Variants in STAB2 observed in about 807,000 individuals in gnomAD.
The protein encoded by STAB2 is stabilin 2.
In STAB2, 288 loss-of-function variants were observed where a neutral mutation model predicts 338.1. The ratio of observed to expected loss-of-function variants is 0.85; its 90% CI spans 0.77 to 0.94. The LOEUF is 0.94. Among genes scored for constraint, STAB2 ranks in the 40% least tolerant of loss-of-function variants. STAB2 has a pLI of 0.00. For synonymous variants in STAB2, 1,202 were observed against 1,193.3 expected (o/e 1.01, Z -0.15); for missense variants, 3,141 against 3,210.1 (o/e 0.98, Z 0.52).
chr12:103,745,032 A>C, intron 56 of STAB2, 141 bp from the exon 57 acceptor site: 2 of 664,222 alleles, frequency 3.0e-6, no homozygotes, highest in Non-Finnish European at 4.9e-6. Context: ...TATTTTTTAG[A>C]TGTTTCAATG....
intron 39 of STAB2, chr12:103,711,170 A>G (rs896214077): frequency 2.0e-5 from 8 of 408,578 alleles, no homozygotes; most frequent in Non-Finnish European, 3.5e-5. Flanking sequence ...CAACACCCAG[A>G]CCATAAGAGC....
intron 3 of STAB2, among the ~76,000 whole-genome samples, chr12:103,602,493 G>A (rs1956968292): frequency 6.6e-6 from 1 of 152,162 alleles, no homozygotes; most frequent in Non-Finnish European, 1.5e-5. Flanking sequence ...ACCTGGGAGC[G>A]GGTGTCCTGG....
intron 20 of STAB2, 119 bp from the exon 21 acceptor site, chr12:103,669,422 A>C: frequency 1.2e-6 from 1 of 852,276 alleles, no homozygotes; most frequent in Non-Finnish European, 1.9e-6. Flanking sequence ...AGAAAAGGGC[A>C]ACCTCATAAG....
chr12:103,724,181 A>G (rs966927505), intron 44 of STAB2, among the ~76,000 whole-genome samples: 1 of 152,216 alleles, frequency 6.6e-6, no homozygotes, highest in African/African-American at 2.4e-5. Flanking sequence ...AATGTACAGT[A>G]AGAAAGACAC....
chr12:103,658,992 T>A (rs1311045334), intron 15 of STAB2, among the ~76,000 whole-genome samples: 1 of 152,178 alleles, frequency 6.6e-6, no homozygotes, highest in Non-Finnish European at 1.5e-5. Context: ...CTGAATACCA[T>A]GCAGTAACTG....
In STAB2 at chr12:103,622,005, C is replaced by T. The variant is rs761254435; in HGVS notation, c.418-37C>T. ...GGCCTTCCTTGGTACCATGGGTCAC[C>T]TTGGGTCTAATGTCAACCACCTGGG... On this transcript the variant is annotated intron_variant, in intron 4 of 68. Transcript: ENST00000388887. The T allele has an allele frequency of 3.7e-5, 60 of 1,611,000 alleles. 5 individuals carry two copies. The highest frequency in any genetic ancestry group is 1.7e-4 in the Middle Eastern group (1 of 6,052).
At chr12:103,668,369 T>A (rs962727484) in intron 19 of STAB2, among the ~76,000 whole-genome samples, 1 of 152,208 alleles carries the variant, frequency 6.6e-6, no homozygotes, top group African/African-American at 2.4e-5. Context: ...TATTTTCTGC[T>A]TAGAGACATC....
At chr12:103,630,892 T>C (rs1957450168) in intron 5 of STAB2, among the ~76,000 whole-genome samples, 1 of 152,244 alleles carries the variant, frequency 6.6e-6, no homozygotes, top group Non-Finnish European at 1.5e-5. Context: ...TTGTGTTGTT[T>C]TAAGCCACTA....
chr12:103,649,408 C>A (rs1346710309), intron 10 of STAB2, among the ~76,000 whole-genome samples: 1 of 152,170 alleles, frequency 6.6e-6, no homozygotes, highest in Admixed American at 6.5e-5. Flanking sequence ...CAAATGACTT[C>A]TAAGGGCCAT....
At chr12:103,614,831 C>G (rs1957184679) in intron 3 of STAB2, among the ~76,000 whole-genome samples, 1 of 152,142 alleles carries the variant, frequency 6.6e-6, no homozygotes, top group Non-Finnish European at 1.5e-5. Flanking sequence ...TCGAGCACAC[C>G]CAGTGGTTCT....
chr12:103,686,417 G>A (rs1877438042), intron 27 of STAB2, among the ~76,000 whole-genome samples: 1 of 152,130 alleles, frequency 6.6e-6, no homozygotes, highest in Non-Finnish European at 1.5e-5. Flanking sequence ...CTAAAATCCT[G>A]CTTTCACGAC....
chr12:103,622,203 T>G, intron 5 of STAB2, 92 bp downstream of exon 5: 3 of 1,335,856 alleles, frequency 2.2e-6, no homozygotes, highest in Non-Finnish European at 3.1e-6. Context: ...TGAATAGTTA[T>G]GTGTGATAAA....
chr12:103,728,229 G>T (rs1244676889), intron 47 of STAB2, among the ~76,000 whole-genome samples: 1 of 152,122 alleles, frequency 6.6e-6, no homozygotes, highest in African/African-American at 2.4e-5. Context: ...TCGGCTCACT[G>T]CAGCCTCTAC....
chr12:103,654,892 C>G (rs1338039739), intron 13 of STAB2, 194 bp downstream of exon 13: 1 of 669,140 alleles, frequency 1.5e-6, no homozygotes, highest in Admixed American at 3.5e-5. Flanking sequence ...GCAAGACGTA[C>G]AGTAACATAT....
intron 54 of STAB2, 104 bp downstream of exon 54, chr12:103,739,572 T>TGTGTGTGTGCGTGC: frequency 1.4e-6 from 1 of 733,316 alleles, no homozygotes; most frequent in Non-Finnish European, 2.0e-6. Flanking sequence ...TGTGTGTGTG[T>TGTGTGTGTGCGTGC]GCCCGTGCAC....
rs1877602643 is a variant in STAB2, at chr12:103,688,180, C to G, written c.3010C>G (p.Leu1004Val). Reference protein sequence around the residue: ...YGNAAVELSFLSEAAIFNRWI... With the variant: ...YGNAAVELSFVSEAAIFNRWI... ...TGATATGAATAAGGAATTGTCATTT[C>G]TCTCCGAAGCAGCTATATTTAACCG... is the stretch of plus-strand genomic sequence containing the variant. Residue 1004 changes from leucine to valine, a missense_variant, in exon 28 of 69, where the codon CTC becomes GTC. Leu to Val is a conservative substitution (Grantham distance 32, BLOSUM62 1). Transcript: ENST00000388887. 1 of 1,613,734 alleles carries G rather than the reference C, an allele frequency of 6.2e-7. No homozygotes were observed. Among genetic ancestry groups the G allele is most frequent in the Non-Finnish European group, 8.5e-7 (1 of 1,179,740 alleles).
chr12:103,698,180 G>A (rs1019639099), intron 33 of STAB2, among the ~76,000 whole-genome samples: 12 of 152,140 alleles, frequency 7.9e-5, no homozygotes, highest in African/African-American at 2.9e-4. Flanking sequence ...GACCCTAATA[G>A]GGAGCCCCTT....
chr12:103,737,606 C>CT (rs761241523), intron 52 of STAB2, 28 bp from the exon 53 acceptor site: 13,839 of 996,218 alleles, frequency 0.014, 69 homozygotes, highest in East Asian at 0.051. Context: ...CTCTCTTTCT[C>CT]TTTTTTTTTT....
At position 103,737,713 on chromosome 12, in the gene STAB2, T is replaced by C; in HGVS notation, c.5630T>C (p.Ile1877Thr). 2 of 1,612,836 alleles carry C rather than the reference T, an allele frequency of 1.2e-6. No homozygotes were observed. Among genetic ancestry groups the C allele is most frequent in the South Asian group, 1.1e-5 (1 of 90,992 alleles). ...TTTGACCTGGGTGTGGCCTACGGCA[T>C]TGACTGTCTGCTGATTGATCCCACC... ...LLFDLGVAYG[I>T]DCLLIDPTLG... The change falls in exon 53 of 69, where the codon ATT becomes ACT. Residue 1877 changes from isoleucine to threonine, a missense_variant. Coordinates refer to ENST00000388887, the MANE Select transcript of STAB2 (RefSeq NM_017564.10).
Sources: allele counts gnomAD v4.1 joint callset (sites outside exome capture counted in the v4.1 genomes callset), GRCh38; gene constraint gnomAD v4.1.1; transcripts MANE v1.5; gene names NCBI Gene and HGNC (gene_info 2026-07-23, HGNC 2026-07-21).